Variants in CUX1 observed in about 807,000 individuals in gnomAD.
CUX1 encodes the protein protein CASP.
CUX1 carries 31 observed loss-of-function variants against 158.8 expected under a neutral mutation model. That is an observed-to-expected ratio of 0.20 (90% CI 0.15 to 0.26). The LOEUF (loss-of-function observed/expected upper bound fraction) is 0.26, where lower values mean the gene tolerates loss of function less well. Among genes scored for constraint, CUX1 ranks in the 10% least tolerant of loss-of-function variants. The pLI is 1.00. For missense variants in CUX1, 1,589 were observed against 2,014.6 expected (o/e 0.79, Z 4.04); for synonymous variants, 879 against 862.1 (o/e 1.02, Z -0.34).
chr7:101,883,249 C>T (rs935420385), intron 1 of CUX1, among the ~76,000 whole-genome samples: 2 of 152,136 alleles, frequency 1.3e-5, no homozygotes, highest in Admixed American at 6.5e-5. Flanking sequence ...GGGGTGAGTT[C>T]GTCACACAGT....
chr7:101,974,959 C>A (rs1812455746), intron 2 of CUX1, among the ~76,000 whole-genome samples: 1 of 151,970 alleles, frequency 6.6e-6, no homozygotes, highest in Admixed American at 6.6e-5. Context: ...CAGAAATGGC[C>A]CACACCAGCC....
intron 1 of CUX1, among the ~76,000 whole-genome samples, chr7:101,826,146 C>G (rs1436278461): frequency 6.6e-6 from 1 of 152,054 alleles, no homozygotes; most frequent in Non-Finnish European, 1.5e-5. Flanking sequence ...GGAGCTCCCT[C>G]CTCCTCCCTC....
At chr7:101,967,115 A>G (rs1011044590) in intron 2 of CUX1, among the ~76,000 whole-genome samples, 1 of 151,932 alleles carries the variant, frequency 6.6e-6, no homozygotes, top group Non-Finnish European at 1.5e-5. Context: ...CCGGGTTTGA[A>G]TGATTCTCTT....
chr7:102,035,756 G>C (rs568818798), intron 3 of CUX1, among the ~76,000 whole-genome samples: 170 of 151,756 alleles, frequency 1.1e-3, no homozygotes, highest in Non-Finnish European at 1.5e-3. Flanking sequence ...TTAAAGGAGA[G>C]TTAAATGGAG....
intron 3 of CUX1, among the ~76,000 whole-genome samples, chr7:102,054,345 G>A (rs1344609557): frequency 6.6e-6 from 1 of 152,156 alleles, no homozygotes; most frequent in African/African-American, 2.4e-5. Context: ...TATGGTGTGA[G>A]GTAGGGATCA....
chr7:102,074,014 A>C (rs1826430857), intron 4 of CUX1, among the ~76,000 whole-genome samples: 1 of 152,244 alleles, frequency 6.6e-6, no homozygotes, highest in Non-Finnish European at 1.5e-5. Flanking sequence ...CTTGCAAAGC[A>C]GGAATGGTGC....
At chr7:102,226,484 C>T (rs1299289764) in intron 20 of CUX1, among the ~76,000 whole-genome samples, 3 of 152,126 alleles carry the variant, frequency 2.0e-5, no homozygotes, top group African/African-American at 4.8e-5. Context: ...CAGGAGGAGC[C>T]GTGATTGCAC....
intron 2 of CUX1, among the ~76,000 whole-genome samples, chr7:101,963,857 G>A (rs1057089831): frequency 1.1e-4 from 17 of 151,958 alleles, no homozygotes; most frequent in Admixed American, 2.6e-4. Flanking sequence ...TCACTATGTT[G>A]CCCAGGCTGG....
At chr7:102,107,065 G>T (rs770663295) in intron 6 of CUX1, among the ~76,000 whole-genome samples, 2 of 151,510 alleles carry the variant, frequency 1.3e-5, no homozygotes. Context: ...CCATCTCTAT[G>T]GCATGAATGA....
intron 20 of CUX1, among the ~76,000 whole-genome samples, chr7:102,221,005 C>T (rs1401189216): frequency 1.3e-5 from 2 of 152,104 alleles, no homozygotes; most frequent in East Asian, 1.9e-4. Context: ...CCACCGTGCC[C>T]GGCTCCCCTG....
At chr7:102,283,085 CAGTGAT>C (rs1792233451) in exon 23 of CUX1, 2 of 1,613,582 alleles carry the variant, frequency 1.2e-6, no homozygotes, top group African/African-American at 1.3e-5. Context: ...TGACTTGTGG[CAGTGAT>C]ACCCCGGGGC....
At chr7:102,171,673 C>T (rs1791733946) in intron 10 of CUX1, among the ~76,000 whole-genome samples, 1 of 151,952 alleles carries the variant, frequency 6.6e-6, no homozygotes, top group South Asian at 2.1e-4. Flanking sequence ...GTCTCAAACT[C>T]CTGGACTTAA....
intron 9 of CUX1, among the ~76,000 whole-genome samples, chr7:102,167,517 G>A (rs1791184691): frequency 6.6e-6 from 1 of 152,166 alleles, no homozygotes. Context: ...AGGGTGGTGA[G>A]GCCACCTCCT....
chr7:101,994,926 CAA>C (rs796784920), intron 2 of CUX1, among the ~76,000 whole-genome samples: 18 of 47,630 alleles, frequency 3.8e-4, no homozygotes, highest in Admixed American at 1.9e-3. Flanking sequence ...CTCATCTCTA[CAA>C]AAAAAAAAAA....
At chr7:101,949,981 C>T (rs1808860012) in intron 2 of CUX1, among the ~76,000 whole-genome samples, 1 of 152,054 alleles carries the variant, frequency 6.6e-6, no homozygotes, top group African/African-American at 2.4e-5. Context: ...GATTATTGCT[C>T]ATTACCCCAC....
chr7:102,223,840 G>A (rs1554527829), intron 20 of CUX1, among the ~76,000 whole-genome samples: 2 of 152,014 alleles, frequency 1.3e-5, no homozygotes, highest in Admixed American at 6.6e-5. Flanking sequence ...TTGGTGGCAC[G>A]AACCTGTAAT....
upstream of CUX1, chr7:101,816,121 G>T (rs755700309): frequency 7.7e-7 from 1 of 1,296,226 alleles, no homozygotes; most frequent in South Asian, 1.4e-5. Context: ...TCGGCCTCGC[G>T]CCCGGGGGTG....
chr7:102,162,359 C>T (rs1210170336), intron 9 of CUX1, among the ~76,000 whole-genome samples: 2 of 152,302 alleles, frequency 1.3e-5, no homozygotes, highest in South Asian at 2.1e-4. Flanking sequence ...CTGCAACCTC[C>T]CCGTCCTGGG....
At chr7:101,947,522 C>T (rs1808539009) in intron 2 of CUX1, among the ~76,000 whole-genome samples, 1 of 152,206 alleles carries the variant, frequency 6.6e-6, no homozygotes, top group African/African-American at 2.4e-5. Flanking sequence ...ACTGGTGCCC[C>T]AGCACGGGGC....
Sources: gnomAD v4.1 joint callset for allele counts (sites outside exome capture counted in the v4.1 genomes callset) on GRCh38, gnomAD v4.1.1 for gene constraint, MANE v1.5 for transcripts, NCBI Gene and HGNC (gene_info 2026-07-23, HGNC 2026-07-21) for gene names.